TMPRSS15: variants seen among roughly 807,000 people sequenced by gnomAD.
TMPRSS15 encodes enteropeptidase.
A neutral mutation model predicts 125.3 loss-of-function variants in TMPRSS15; 128 were observed. The observed-to-expected ratio is 1.02, with a 90% CI of 0.89 to 1.18. The LOEUF is 1.18. Among genes scored for constraint, TMPRSS15 ranks in the 50% most tolerant of loss-of-function variants. The pLI, the probability that TMPRSS15 is intolerant of heterozygous loss-of-function variation, is 0.00. For synonymous variants in TMPRSS15, 446 were observed against 423.2 expected (o/e 1.05, Z -0.66); for missense variants, 1,283 against 1,212.7 (o/e 1.06, Z -0.86).
chr21:18,312,350 A>G (rs998044070), intron 18 of TMPRSS15, among the ~76,000 whole-genome samples: 1 of 151,810 alleles, frequency 6.6e-6, no homozygotes, highest in African/African-American at 2.4e-5. Flanking sequence ...ATTTTTGATG[A>G]GTTATTAATT....
chr21:18,460,856 G>A (rs1247275295), intron 1 of TMPRSS15: 1 of 152,034 alleles, frequency 6.6e-6, no homozygotes, highest in African/African-American at 2.4e-5. Context: ...ACACATCTGG[G>A]CACTGTTGAC....
Position 18,275,178 on chromosome 21 carries a change from A to G in TMPRSS15, c.2904+19T>C, listed in dbSNP as rs952301860. ...CAGTGCTTTCTGAAAAGGTACAGTG[A>G]GCAGTTTTACATCTTTACCTGACAA... On this transcript the variant is annotated intron_variant, in intron 24 of 24. Transcript: ENST00000284885. 1.2e-6 allele frequency: 2 copies of G among 1,613,104 alleles called. No individual in the cohort carries two copies. The highest frequency in any genetic ancestry group is 1.1e-5 in the South Asian group (1 of 91,054).
chr21:18,452,587 G>T (rs558616025), intron 1 of TMPRSS15, among the ~76,000 whole-genome samples: 54 of 152,152 alleles, frequency 3.5e-4, no homozygotes, highest in Non-Finnish European at 6.8e-4. Flanking sequence ...AATCACCGGA[G>T]CCCTGGATGG....
chr21:18,333,384 T>C (rs1346358738), intron 13 of TMPRSS15, among the ~76,000 whole-genome samples: 1 of 152,228 alleles, frequency 6.6e-6, no homozygotes, highest in Non-Finnish European at 1.5e-5. Flanking sequence ...AAGGAAATTT[T>C]TTTGTCAAAT....
chr21:18,460,006 T>A lies in TMPRSS15; in HGVS notation c.10+25793A>T, dbSNP rs560512309. On this transcript the variant is annotated intron_variant, in intron 1 of 7. Coordinates refer to the TMPRSS15 transcript ENST00000422787. ...TATAATAATACTATCGATTTTTATA[T>A]TTTGATATTTTATTCTGTGATGTTT... Among the ~76,000 whole-genome samples, 4 of 152,324 alleles carry A rather than the reference T, an allele frequency of 2.6e-5. No individual in the cohort carries two copies. In the East Asian group the frequency reaches 5.8e-4, roughly 22 times the overall value.
At chr21:18,468,305 T>A (rs1389162555) in intron 1 of TMPRSS15, among the ~76,000 whole-genome samples, 1 of 152,126 alleles carries the variant, frequency 6.6e-6, no homozygotes, top group Non-Finnish European at 1.5e-5. Flanking sequence ...CACTACAGCA[T>A]CACACTGGCA....
Position 18,313,011 on chromosome 21 carries a change from T to G in TMPRSS15, c.2099A>C (p.His700Pro). 1 of 1,614,112 alleles carries G rather than the reference T, an allele frequency of 6.2e-7. No homozygotes were observed. The highest frequency in any genetic ancestry group is 8.5e-7 in the Non-Finnish European group (1 of 1,179,972). ...GGTCCAGTTCTCAGCACAAGCTGTA[T>G]GCCATATGCTCTGGATTCTGAACCG... The part of the protein sequence containing the change: ...LVRFRIQSIW[H>P]TACAENWTTQ... Residue 700 changes from histidine to proline, a missense_variant, in exon 18 of 25, where the codon CAT becomes CCT. His to Pro is a moderately conservative substitution (Grantham distance 77). Transcript: ENST00000284885.
chr21:18,447,353 T>C (rs2076257823), intron 1 of TMPRSS15, among the ~76,000 whole-genome samples: 1 of 148,860 alleles, frequency 6.7e-6, no homozygotes, highest in South Asian at 2.1e-4. Context: ...GACAGGAGAA[T>C]TGCTTGAACC....
intron 10 of TMPRSS15, among the ~76,000 whole-genome samples, chr21:18,347,099 C>T (rs897191902): frequency 9.2e-5 from 14 of 151,926 alleles, no homozygotes; most frequent in Admixed American, 3.9e-4. Context: ...TTGTTAAAAT[C>T]GTATCAATTT....
At position 18,420,623 on chromosome 21, in the gene TMPRSS15, C is replaced by T. The variant is rs577274129; in HGVS notation, c.11-22294G>A. Among the ~76,000 whole-genome samples the T allele has an allele frequency of 9.2e-5, 14 of 152,316 alleles. 1 individual carries two copies. In the South Asian group the frequency reaches 2.9e-3, roughly 32 times the overall value. ...ATAGATGCAACAGGTAACAAAAGCA[C>T]TTGATCTTACTGCTGTATAAAATAA... is the stretch of plus-strand genomic sequence containing the variant. On this transcript the variant is annotated intron_variant, in intron 1 of 7. Coordinates refer to the TMPRSS15 transcript ENST00000422787.
At position 18,294,306 on chromosome 21, in the gene TMPRSS15, C is replaced by T; in HGVS notation, c.2450G>A (p.Ser817Asn). Reference protein sequence around the residue: ...RLLCGASLVSSDWLVSAAHCV... With the variant: ...RLLCGASLVSNDWLVSAAHCV... ...GTGTGCGGCGGACACCAGCCAGTCA[C>T]TGCTGACGAGAGATGCGCCGCAGAG... is the stretch of plus-strand genomic sequence containing the variant. The change falls in exon 21 of 25, where the codon AGT (serine) becomes AAT (asparagine). Residue 817 changes from serine to asparagine, a missense_variant. Transcript: ENST00000284885. 1.2e-6 allele frequency: 2 copies of T among 1,614,240 alleles called. No individual in the cohort carries two copies. Among genetic ancestry groups the T allele is most frequent in the Non-Finnish European group, 1.7e-6 (2 of 1,180,048 alleles).
At chr21:18,321,526 G>A (rs901942136) in intron 16 of TMPRSS15, among the ~76,000 whole-genome samples, 6 of 151,918 alleles carry the variant, frequency 3.9e-5, no homozygotes, top group East Asian at 1.9e-4. Context: ...CTAATATTTT[G>A]TATTATTAGT....
At chr21:18,466,334 T>C (rs183027555) in intron 1 of TMPRSS15, among the ~76,000 whole-genome samples, 5 of 152,188 alleles carry the variant, frequency 3.3e-5, no homozygotes, top group African/African-American at 1.2e-4. Flanking sequence ...GGCATTACCA[T>C]TCAGGACATA....
At chr21:18,350,891 C>T (rs2075561799) in intron 10 of TMPRSS15, among the ~76,000 whole-genome samples, 2 of 151,784 alleles carry the variant, frequency 1.3e-5, no homozygotes, top group South Asian at 4.2e-4. Flanking sequence ...TCAATAAATG[C>T]TTCTTAAATA....
chr21:18,451,185 C>T (rs1464621986), intron 1 of TMPRSS15, among the ~76,000 whole-genome samples: 7 of 151,852 alleles, frequency 4.6e-5, no homozygotes, highest in Non-Finnish European at 8.8e-5. Flanking sequence ...TATGTAAAAA[C>T]TCATTTCTTA....
intron 10 of TMPRSS15, among the ~76,000 whole-genome samples, chr21:18,351,474 C>G (rs1415746525): frequency 6.6e-6 from 1 of 152,054 alleles, no homozygotes; most frequent in Non-Finnish European, 1.5e-5. Flanking sequence ...ATCACGGGGG[C>G]AATTTTTTCA....
intron 4 of TMPRSS15, among the ~76,000 whole-genome samples, chr21:18,381,555 C>T (rs1313525117): frequency 6.6e-6 from 1 of 152,058 alleles, no homozygotes; most frequent in East Asian, 1.9e-4. Flanking sequence ...TTAAATGTAA[C>T]TTCTACTTGT....
chr21:18,464,432 A>G (rs2122954609), intron 1 of TMPRSS15, among the ~76,000 whole-genome samples: 4 of 152,196 alleles, frequency 2.6e-5, no homozygotes, highest in African/African-American at 9.6e-5. Context: ...TGAAGGAGAT[A>G]GAGACACGAG....
chr21:18,360,976 C>T (rs1373846912), intron 7 of TMPRSS15, among the ~76,000 whole-genome samples: 1 of 152,040 alleles, frequency 6.6e-6, no homozygotes, highest in Non-Finnish European at 1.5e-5. Flanking sequence ...ACTTAAATGT[C>T]TTTCCTAACA....
Sources: gnomAD v4.1 joint callset for allele counts (sites outside exome capture counted in the v4.1 genomes callset) on GRCh38, gnomAD v4.1.1 for gene constraint, MANE v1.5 for transcripts, NCBI Gene and HGNC (gene_info 2026-07-23, HGNC 2026-07-21) for gene names.